ACO2: variants seen among roughly 807,000 people sequenced by gnomAD.
ACO2 encodes aconitate hydratase, mitochondrial.
Under a neutral mutation model 84.5 loss-of-function variants are expected in ACO2, and 31 were observed. That is an observed-to-expected ratio of 0.37 (90% confidence interval 0.28 to 0.50). The LOEUF is 0.50. Among genes scored for constraint, ACO2 ranks in the 20% least tolerant of loss-of-function variants. The pLI is 0.97. For synonymous variants in ACO2, 414 were observed against 412.7 expected (o/e 1.00, Z -0.04); for missense variants, 685 against 1,029.3 (o/e 0.67, Z 4.58).
Position 41,515,631 on chromosome 22 carries a change from A to G in ACO2, c.684+96A>G. On this transcript the variant is annotated intron_variant, in intron 5 of 17. Transcript: ENST00000216254. The surrounding 1 kb of genome is among the most constrained non-coding windows in gnomAD (Gnocchi z 5.8). ...TGGGACCCAGGAGGGAAAAGGGAAC[A>G]AGTTAGACTCGAATCTTCTGGGAGG... 6.3e-7 allele frequency: 1 copy of G among 1,577,660 alleles called. No individual in the cohort carries two copies. The highest frequency in any genetic ancestry group is 8.6e-7 in the Non-Finnish European group (1 of 1,159,372).
At chr22:41,483,705 A>G (rs1345877316) in intron 1 of ACO2, among the ~76,000 whole-genome samples, 1 of 151,870 alleles carries the variant, frequency 6.6e-6, no homozygotes, top group Admixed American at 6.6e-5. Flanking sequence ...CATCATCATC[A>G]TCCTTCCTTA....
chr22:41,513,037 G>A (rs192287388), intron 4 of ACO2, among the ~76,000 whole-genome samples: 4 of 152,306 alleles, frequency 2.6e-5, no homozygotes, highest in Admixed American at 1.3e-4. Context: ...AGAGCCAGCA[G>A]GGGATCACTC....
chr22:41,481,126 T>C (rs1176344874), intron 1 of ACO2, among the ~76,000 whole-genome samples: 1 of 152,086 alleles, frequency 6.6e-6, no homozygotes, highest in Non-Finnish European at 1.5e-5. Context: ...TCTCTGCTCT[T>C]TTACCCCCAT....
At chr22:41,474,894 C>T (rs541758508) in intron 1 of ACO2, among the ~76,000 whole-genome samples, 2 of 152,008 alleles carry the variant, frequency 1.3e-5, no homozygotes, top group East Asian at 1.9e-4. Context: ...CCACTGCACC[C>T]GGCCTGCACA....
At chr22:41,477,376 G>T (rs2038030119) in intron 1 of ACO2, among the ~76,000 whole-genome samples, 1 of 151,270 alleles carries the variant, frequency 6.6e-6, no homozygotes, top group African/African-American at 2.4e-5. Flanking sequence ...AGCCAGGATG[G>T]TCTCAATCTC....
Position 41,524,957 on chromosome 22 carries a change from C to T in ACO2, c.1594C>T (p.Leu532Phe), listed in dbSNP as rs915484869. The T allele has an allele frequency of 5.0e-6, 8 of 1,614,090 alleles. No homozygotes were observed. Among genetic ancestry groups the T allele is most frequent in the Non-Finnish European group, 5.9e-6 (7 of 1,180,054 alleles). ...FRLEAPDADE[L>F]PKGEFDPGQD... ...GCTGGAGGCTCCGGATGCAGATGAG[C>T]TTCCCAAAGGGGTGAGCGCCCACGC... Residue 532 changes from leucine (L) to phenylalanine (F), a missense_variant, in exon 13 of 18, where the codon CTT becomes TTT. Around this residue, in one of 5 missense-constraint regions of ACO2, gnomAD observed 311 missense variants for 441.6 expected, o/e 0.70. Transcript: ENST00000216254.
chr22:41,511,754 C>G (rs2066434518), intron 3 of ACO2, 122 bp from the exon 4 acceptor site: 2 of 649,986 alleles, frequency 3.1e-6, no homozygotes, highest in East Asian at 6.2e-5. Flanking sequence ...TAAGAGAGGG[C>G]CTGTCTCCAG....
chr22:41,470,170 TATACTC>T (rs930752115), intron 1 of ACO2, among the ~76,000 whole-genome samples: 2 of 152,186 alleles, frequency 1.3e-5, no homozygotes, highest in Non-Finnish European at 2.9e-5. Context: ...GGGAAGGTGT[TATACTC>T]AGAGGTTCAA....
Position 41,518,463 on chromosome 22 carries a change from G to C in ACO2, c.941-18G>C, listed in dbSNP as rs376182038. 6.3e-7 allele frequency: 1 copy of C among 1,597,590 alleles called. No individual in the cohort carries two copies. The highest frequency in any genetic ancestry group is 8.6e-7 in the Non-Finnish European group (1 of 1,166,184). On this transcript the variant is annotated intron_variant, in intron 7 of 17. Transcript: ENST00000216254. ...TTTATGTTTCACGTGCTCCATCCCC[G>C]TCCCTTGTTGATTTCAGACATTGCC... is the stretch of plus-strand genomic sequence containing the variant.
chr22:41,493,893 T>C (rs2066292597), intron 1 of ACO2, among the ~76,000 whole-genome samples: 1 of 152,188 alleles, frequency 6.6e-6, no homozygotes, highest in Non-Finnish European at 1.5e-5. Context: ...ACCTCCTCTC[T>C]ACTAAAAGTA....
Position 41,515,870 on chromosome 22 carries a change from C to A in ACO2, c.788C>A (p.Ala263Glu). 1.2e-6 allele frequency: 2 copies of A among 1,614,232 alleles called. No individual in the cohort carries two copies. The highest frequency in any genetic ancestry group is 1.7e-6 in the Non-Finnish European group (2 of 1,180,038). The change falls in exon 6 of 18, where the codon GCA becomes GAA. Residue 263 changes from alanine to glutamate, a missense_variant. Physicochemically the swap from Ala to Glu is moderately radical, Grantham distance 107 (BLOSUM62 -1). This residue lies in a region of ACO2 where 311 missense variants were observed against 441.6 expected (regional missense o/e 0.70). Transcript: ENST00000216254. This position sits in a 1 kb window ranked among gnomAD's most constrained non-coding sequence, Gnocchi z 5.8. ...GILTVKGGTG[A>E]IVEYHGPGVD... ...CTCACGGTGAAAGGTGGCACAGGTG[C>A]AATCGTGGAATACCACGGGCCTGGT...
chr22:41,486,948 A>C (rs1217019726), intron 1 of ACO2, among the ~76,000 whole-genome samples: 1 of 151,836 alleles, frequency 6.6e-6, no homozygotes, highest in Non-Finnish European at 1.5e-5. Flanking sequence ...CAGTGGCGCC[A>C]TCTCGGCTCA....
chr22:41,524,777 C>G, intron 12 of ACO2, 69 bp from the exon 13 acceptor site: 1 of 1,602,728 alleles, frequency 6.2e-7, no homozygotes, highest in Non-Finnish European at 8.5e-7. Context: ...TTGGCCTAGG[C>G]TTTTGGTAGG....
chr22:41,505,901 T>A (rs544360807), intron 2 of ACO2, among the ~76,000 whole-genome samples: 1 of 152,308 alleles, frequency 6.6e-6, no homozygotes, highest in South Asian at 2.1e-4. Flanking sequence ...GTTTATTGTA[T>A]GCCAATTATA....
At chr22:41,475,169 CTTTTTTTTT>C (rs1161178390) in intron 1 of ACO2, among the ~76,000 whole-genome samples, 1 of 120,258 alleles carries the variant, frequency 8.3e-6, no homozygotes, top group Non-Finnish European at 1.7e-5. Context: ...TTGTTTTTTC[CTTTTTTTTT>C]TTTTTTTTTT....
intron 2 of ACO2, 30 bp from the exon 3 acceptor site, chr22:41,507,761 C>G: frequency 6.3e-7 from 1 of 1,598,866 alleles, no homozygotes; most frequent in South Asian, 1.1e-5. Flanking sequence ...CAGCTAGCAC[C>G]AGGCCACCCT....
intron 1 of ACO2, among the ~76,000 whole-genome samples, chr22:41,498,965 G>A (rs1020886938): frequency 3.3e-5 from 5 of 151,884 alleles, no homozygotes; most frequent in Admixed American, 6.6e-5. Flanking sequence ...ATGGTGGTGC[G>A]TGCCTGTAAT....
chr22:41,524,043 G>A lies in ACO2; in HGVS notation c.1482+102G>A, dbSNP rs1224423322. 2.9e-6 allele frequency: 3 copies of A among 1,018,354 alleles called. No individual in the cohort carries two copies. The African/African-American group carries it at 4.8e-5, about 16-fold the overall frequency. The allele number at this position is 1,018,354 out of a possible 1,614,324, so 63.1% of individuals were successfully genotyped here. On this transcript the variant is annotated intron_variant, in intron 12 of 17. Coordinates refer to ENST00000216254, the MANE Select transcript of ACO2 (RefSeq NM_001098.3). ...AGATGGGGACTGGGGTCATCCAAGT[G>A]GTAGCCAGGAGCTACAGGCCTTCCC...
chr22:41,511,493 G>A (rs1172601631), intron 3 of ACO2, among the ~76,000 whole-genome samples: 1 of 152,270 alleles, frequency 6.6e-6, no homozygotes, highest in Non-Finnish European at 1.5e-5. Context: ...GCCAGGGCCT[G>A]CCTCTGCACT....
Sources: gnomAD v4.1 joint callset for allele counts (sites outside exome capture counted in the v4.1 genomes callset) on GRCh38, gnomAD v4.1.1 for gene constraint, gnomAD v4.1.1 regional missense constraint, Gnocchi (gnomAD v3.1) non-coding constraint, MANE v1.5 for transcripts, NCBI Gene and HGNC (gene_info 2026-07-23, HGNC 2026-07-21) for gene names.